Variants in CPEB3 observed in about 807,000 individuals in gnomAD.
CPEB3 encodes cytoplasmic polyadenylation element binding protein 3.
A neutral mutation model predicts 67.2 loss-of-function variants in CPEB3; 20 were observed. The ratio of observed to expected loss-of-function variants is 0.30; its 90% CI spans 0.21 to 0.43. The LOEUF (loss-of-function observed/expected upper bound fraction) is 0.43. Among genes scored for constraint, CPEB3 ranks in the 20% least tolerant of loss-of-function variants. CPEB3 has a pLI of 1.00. For missense variants in CPEB3, 746 were observed against 968.6 expected, an observed-to-expected ratio of 0.77 and a Z score of 3.05; for synonymous variants, 376 against 393.1, an observed-to-expected ratio of 0.96 and a Z score of 0.51.
intron 1 of CPEB3, among the ~76,000 whole-genome samples, chr10:92,243,696 C>A (rs1196006217): frequency 6.6e-6 from 1 of 152,040 alleles, no homozygotes; most frequent in Non-Finnish European, 1.5e-5. Context: ...TAAAATCTGA[C>A]CATACTTAAA....
At chr10:92,280,202 T>C (rs1311495069) in intron 1 of CPEB3, among the ~76,000 whole-genome samples, 1 of 151,332 alleles carries the variant, frequency 6.6e-6, no homozygotes, top group African/African-American at 2.4e-5. Context: ...ACAAATTAGC[T>C]GGGTGTGATG....
chr10:92,232,053 A>ATT (rs759526286), intron 2 of CPEB3, among the ~76,000 whole-genome samples: 6 of 131,524 alleles, frequency 4.6e-5, no homozygotes, highest in South Asian at 2.4e-4. Context: ...ACAAAGCATA[A>ATT]TTTTTTTTTT....
chr10:92,245,901 G>A (rs1852039176), intron 1 of CPEB3, among the ~76,000 whole-genome samples: 1 of 152,108 alleles, frequency 6.6e-6, no homozygotes, highest in Non-Finnish European at 1.5e-5. Flanking sequence ...AGCCAGATGT[G>A]GTGGCAGGCG....
intron 9 of CPEB3, among the ~76,000 whole-genome samples, chr10:92,071,658 C>T (rs1316628647): frequency 6.6e-6 from 1 of 151,882 alleles, no homozygotes; most frequent in Non-Finnish European, 1.5e-5. Flanking sequence ...TCGCTTGAAC[C>T]CAGGCAGCAG....
At chr10:92,182,763 T>C (rs1564843770) in intron 3 of CPEB3, among the ~76,000 whole-genome samples, 1 of 149,556 alleles carries the variant, frequency 6.7e-6, no homozygotes, top group African/African-American at 2.5e-5. Flanking sequence ...AATGTGGAGG[T>C]TGCAGTGAGC....
chr10:92,068,716 A>T (rs1353283387), intron 9 of CPEB3, among the ~76,000 whole-genome samples: 8 of 152,220 alleles, frequency 5.3e-5, no homozygotes, highest in Admixed American at 4.6e-4. Flanking sequence ...GAAAGAACAG[A>T]GGAGGACAGG....
chr10:92,121,692 T>C (rs1845397542), intron 6 of CPEB3, among the ~76,000 whole-genome samples: 2 of 151,740 alleles, frequency 1.3e-5, no homozygotes, highest in African/African-American at 4.8e-5. Flanking sequence ...AAATTCAGCT[T>C]GTGGAGCTGT....
chr10:92,157,807 T>C (rs1056870606), intron 4 of CPEB3, among the ~76,000 whole-genome samples: 1 of 152,096 alleles, frequency 6.6e-6, no homozygotes, highest in Non-Finnish European at 1.5e-5. Context: ...CAAAAAACTT[T>C]AAGGAGAAAT....
chr10:92,291,025 G>A lies in CPEB3; in HGVS notation c.-111C>T, dbSNP rs866327723. 3.5e-5 allele frequency: 6 copies of A among 169,544 alleles called. No homozygotes were observed. The highest frequency in any genetic ancestry group is 1.4e-4 in the South Asian group (1 of 7,346). 10.5% of individuals were successfully genotyped at this position (169,544 alleles called of 1,614,324 possible). On this transcript the variant is annotated 5_prime_UTR_variant, in exon 1 of 10. Transcript: ENST00000265997. ...TGGAGGAAGGAAACGGGAGGGCGCC[G>A]GCCAGACGGCGGCAGGCGCGGAGGC... is the stretch of plus-strand genomic sequence containing the variant.
intron 6 of CPEB3, among the ~76,000 whole-genome samples, chr10:92,123,166 C>T (rs964831505): frequency 6.6e-6 from 1 of 152,122 alleles, no homozygotes; most frequent in Non-Finnish European, 1.5e-5. Context: ...CAGTCCAGGG[C>T]AGTGACCTGG....
chr10:92,239,804 G>A lies in CPEB3; in HGVS notation c.547C>T (p.Gln183Ter). The A allele has an allele frequency of 7.0e-7, 1 of 1,428,288 alleles. No homozygotes were observed. Among genetic ancestry groups the A allele is most frequent in the Non-Finnish European group, 9.1e-7 (1 of 1,096,186 alleles). The allele number at this position is 1,428,288 out of a possible 1,614,324, so 88.5% of individuals were successfully genotyped here. A position where few individuals can be genotyped will look rare whatever the true frequency, so the allele number is the denominator to read the frequency against. The change falls in exon 2 of 10, where the codon CAG (glutamine) becomes TAG (stop). Residue 183 changes from glutamine (Q) to a stop codon, truncating the protein, a stop_gained. Coordinates refer to ENST00000265997, the MANE Select transcript of CPEB3 (RefSeq NM_014912.5). LOFTEE classifies it high-confidence loss of function. This position sits in a 1 kb window ranked among gnomAD's most constrained non-coding sequence, Gnocchi z 6.0. ...CGGCGCTGCTGCGGGGGCTGCGCCT[G>A]TGGTGGCTGCGCTGGCTGTGCCGGC... ...PQPAQPAQPP[Q>*]AQPPQQRRSP...
chr10:92,101,039 T>G (rs1367148082), intron 7 of CPEB3, among the ~76,000 whole-genome samples: 2 of 152,190 alleles, frequency 1.3e-5, no homozygotes, highest in African/African-American at 2.4e-5. Flanking sequence ...CATCTCACTC[T>G]GTATGGTCCC....
intron 2 of CPEB3, among the ~76,000 whole-genome samples, chr10:92,220,637 T>C (rs1286068035): frequency 6.6e-6 from 1 of 152,070 alleles, no homozygotes; most frequent in African/African-American, 2.4e-5. Flanking sequence ...CCTTTTGTTT[T>C]CATTTACATA....
intron 6 of CPEB3, among the ~76,000 whole-genome samples, chr10:92,125,907 A>C (rs1845591257): frequency 6.6e-6 from 1 of 151,996 alleles, no homozygotes. Context: ...TATTTTTTGC[A>C]GAGATGGCGT....
chr10:92,239,469 C>T lies in CPEB3; in HGVS notation c.882G>A (p.Lys294=). Residue 294 remains lysine (K), a synonymous_variant, in exon 2 of 10, where the codon AAG becomes AAA. Coordinates refer to ENST00000265997, the MANE Select transcript of CPEB3 (RefSeq NM_014912.5). The surrounding 1 kb of genome is among the most constrained non-coding windows in gnomAD (Gnocchi z 6.0). The part of the protein sequence containing the change: ...SPLNPISPLK[K]PFSSNVIAPP... ...GCGCGATCACGTTGCTGGAGAAGGG[C>T]TTTTTGAGCGGCGAGATGGGGTTGA... 2 of 1,594,974 alleles carry T rather than the reference C, an allele frequency of 1.3e-6. No individual in the cohort carries two copies. Among genetic ancestry groups the T allele is most frequent in the Non-Finnish European group, 1.7e-6 (2 of 1,170,446 alleles).
intron 1 of CPEB3, among the ~76,000 whole-genome samples, chr10:92,253,458 C>CAAAAAAAAAA (rs1852384799): frequency 7.2e-5 from 1 of 13,880 alleles, no homozygotes; most frequent in African/African-American, 3.2e-4. Context: ...GACTCTGTCT[C>CAAAAAAAAAA]AAAACAAAAA....
At chr10:92,174,588 TAAAG>T (rs1848143917) in intron 4 of CPEB3, among the ~76,000 whole-genome samples, 1 of 151,976 alleles carries the variant, frequency 6.6e-6, no homozygotes. Context: ...ACAGAAAAAA[TAAAG>T]AAGAAAGATA....
chr10:92,085,694 C>T (rs772449203), intron 8 of CPEB3, among the ~76,000 whole-genome samples: 1 of 152,078 alleles, frequency 6.6e-6, no homozygotes, highest in Non-Finnish European at 1.5e-5. Flanking sequence ...CTGCAACCTC[C>T]GCCTCCAGGG....
At chr10:92,214,777 T>C (rs1022930254) in intron 2 of CPEB3, among the ~76,000 whole-genome samples, 1 of 152,148 alleles carries the variant, frequency 6.6e-6, no homozygotes, top group African/African-American at 2.4e-5. Flanking sequence ...TGAGCCACTA[T>C]GCCTGGCTCA....
Sources: allele counts gnomAD v4.1 joint callset (sites outside exome capture counted in the v4.1 genomes callset), GRCh38; gene constraint gnomAD v4.1.1; non-coding constraint Gnocchi (gnomAD v3.1); transcripts MANE v1.5; gene names NCBI Gene and HGNC (gene_info 2026-07-23, HGNC 2026-07-21).